IQCJ: variants seen among roughly 807,000 people sequenced by gnomAD.
The protein encoded by IQCJ is IQ motif containing J.
In IQCJ, 9 loss-of-function variants were observed where a neutral mutation model predicts 11.0. That is an observed-to-expected ratio of 0.82 (90% confidence interval 0.49 to 1.43). The LOEUF is 1.43. IQCJ is among the 40% of genes most tolerant of loss of function. The probability of loss-of-function intolerance (pLI) is 0.00; values close to 1 mark genes in which losing one functional copy is unlikely to be tolerated. For missense variants in IQCJ, 146 were observed against 133.2 expected (o/e 1.10, Z -0.47); for synonymous variants, 55 against 51.3 (o/e 1.07, Z -0.31).
intron 3 of IQCJ, among the ~76,000 whole-genome samples, chr3:159,255,100 G>A (rs1179918971): frequency 6.6e-6 from 1 of 152,192 alleles, no homozygotes; most frequent in Non-Finnish European, 1.5e-5. Flanking sequence ...TATAAAAAAT[G>A]TGCCCTTGTC....
chr3:159,090,993 C>G (rs1559981451), intron 1 of IQCJ, among the ~76,000 whole-genome samples: 1 of 151,770 alleles, frequency 6.6e-6, no homozygotes, highest in Non-Finnish European at 1.5e-5. Flanking sequence ...AACTAAATCC[C>G]TAAATTATAG....
intron 1 of IQCJ, among the ~76,000 whole-genome samples, chr3:159,152,264 T>C (rs1721271763): frequency 6.6e-6 from 1 of 152,188 alleles, no homozygotes; most frequent in Non-Finnish European, 1.5e-5. Context: ...CAGGTCACTG[T>C]GGCATCAGGG....
chr3:159,127,555 T>G (rs1383907239), intron 1 of IQCJ, among the ~76,000 whole-genome samples: 1 of 152,212 alleles, frequency 6.6e-6, no homozygotes. Flanking sequence ...GTGAACCTCC[T>G]CGTTGTATAT....
At chr3:159,144,599 C>T (rs1021304600) in intron 1 of IQCJ, among the ~76,000 whole-genome samples, 1 of 152,036 alleles carries the variant, frequency 6.6e-6, no homozygotes, top group Non-Finnish European at 1.5e-5. Context: ...CTTCTGACTT[C>T]TGGTCTGTTT....
At chr3:159,092,699 A>AACACACACACACATACACAC (rs1553775247) in intron 1 of IQCJ, among the ~76,000 whole-genome samples, 1 of 141,600 alleles carries the variant, frequency 7.1e-6, no homozygotes, top group African/African-American at 2.8e-5. Context: ...CTCCATCACA[A>AACACACACACACATACACAC]ACACACACAC....
intron 1 of IQCJ, among the ~76,000 whole-genome samples, chr3:159,232,451 C>CTTTT (rs35423818): frequency 0.03 from 2,482 of 82,988 alleles, no homozygotes; most frequent in Middle Eastern, 0.061. Context: ...GAGAGACTTT[C>CTTTT]TTTTTTTTTT....
In IQCJ at chr3:159,069,326, C is replaced by T. The variant is rs560263693; in HGVS notation, c.-107C>T. The T allele has an allele frequency of 1.4e-6, 2 of 1,443,646 alleles. No individual in the cohort carries two copies. The highest frequency in any genetic ancestry group is 2.9e-5 in the African/African-American group (2 of 69,576). The allele number at this position is 1,443,646 out of a possible 1,614,324, so 89.4% of individuals were successfully genotyped here. Reference sequence around the variant, plus strand: ...TCAAAGGTTTCCAGCCTCACACTCGCCTCACATTCCCCCACAGTCACATTG... The same window carrying T: ...TCAAAGGTTTCCAGCCTCACACTCGTCTCACATTCCCCCACAGTCACATTG... On this transcript the variant is annotated 5_prime_UTR_variant, in exon 1 of 4. Coordinates refer to ENST00000397832, the MANE Select transcript of IQCJ (RefSeq NM_001042706.3).
intron 2 of IQCJ, among the ~76,000 whole-genome samples, chr3:159,247,694 A>G (rs1727354267): frequency 6.6e-6 from 1 of 152,182 alleles, no homozygotes; most frequent in Non-Finnish European, 1.5e-5. Flanking sequence ...ACCAGATTTT[A>G]CACAGAAAAG....
rs59249595 is a variant in IQCJ at position 159,090,323 on chromosome 3, C to G, written c.9+20882C>G. On this transcript the variant is annotated intron_variant, in intron 1 of 3. Transcript: ENST00000397832. ...GCTGCGTGCTGGGAGAACCACTGCT[C>G]TCTTCAAAGCTCAGATGGAAATGCA... 9.7e-3 allele frequency among the ~76,000 whole-genome samples: 1,471 copies of G among 151,926 alleles called. 58 individuals are homozygous for G. The highest frequency in any genetic ancestry group is 0.034 in the African/African-American group (1,404 of 41,196).
chr3:159,103,338 G>T (rs982322163), intron 1 of IQCJ, among the ~76,000 whole-genome samples: 5 of 152,098 alleles, frequency 3.3e-5, no homozygotes, highest in Admixed American at 1.3e-4. Flanking sequence ...AAATTGACTT[G>T]ACTTATGCTT....
chr3:159,239,762 A>C (rs1389715700), intron 1 of IQCJ, among the ~76,000 whole-genome samples: 1 of 152,142 alleles, frequency 6.6e-6, no homozygotes, highest in Non-Finnish European at 1.5e-5. Context: ...GCAATACAAT[A>C]TTTTTACTGT....
At chr3:159,137,777 T>C (rs1408775760) in intron 1 of IQCJ, among the ~76,000 whole-genome samples, 1 of 152,202 alleles carries the variant, frequency 6.6e-6, no homozygotes, top group Non-Finnish European at 1.5e-5. Context: ...TTTTCATCTC[T>C]AATGCTCTCA....
intron 1 of IQCJ, among the ~76,000 whole-genome samples, chr3:159,228,708 C>T (rs933747619): frequency 1.3e-5 from 2 of 151,746 alleles, no homozygotes; most frequent in African/African-American, 4.8e-5. Context: ...GGACAGTGGC[C>T]AGGAGAGTGG....
chr3:159,163,015 T>A (rs1170263783), intron 1 of IQCJ, among the ~76,000 whole-genome samples: 1 of 152,200 alleles, frequency 6.6e-6, no homozygotes, highest in Non-Finnish European at 1.5e-5. Flanking sequence ...CTGGTACCAT[T>A]CCTTCTGAAA....
chr3:159,176,901 C>G (rs1474232768), intron 1 of IQCJ, among the ~76,000 whole-genome samples: 1 of 152,044 alleles, frequency 6.6e-6, no homozygotes, highest in Non-Finnish European at 1.5e-5. Context: ...CAATACTGTA[C>G]AAAGTGGTGA....
At chr3:159,089,988 G>T (rs1262455973) in intron 1 of IQCJ, among the ~76,000 whole-genome samples, 2 of 151,868 alleles carry the variant, frequency 1.3e-5, no homozygotes, top group Non-Finnish European at 2.9e-5. Context: ...TGGAGGAGGA[G>T]AGGTGCTCTG....
chr3:159,235,141 T>G (rs1223851343), intron 1 of IQCJ, among the ~76,000 whole-genome samples: 1 of 152,210 alleles, frequency 6.6e-6, no homozygotes, highest in Non-Finnish European at 1.5e-5. Flanking sequence ...TGAAGCATGG[T>G]CTCTAGGATA....
intron 1 of IQCJ, among the ~76,000 whole-genome samples, chr3:159,147,448 G>T (rs1419262537): frequency 6.6e-6 from 1 of 152,134 alleles, no homozygotes; most frequent in African/African-American, 2.4e-5. Context: ...GAAGATATGA[G>T]ACCTCTGAAG....
At chr3:159,101,234 C>T (rs1039071100) in intron 1 of IQCJ, among the ~76,000 whole-genome samples, 12 of 148,592 alleles carry the variant, frequency 8.1e-5, no homozygotes, top group South Asian at 2.2e-4. Flanking sequence ...GGCTCGCGCA[C>T]GGTGCGCACA....
Sources: gnomAD v4.1 joint callset for allele counts (sites outside exome capture counted in the v4.1 genomes callset) on GRCh38, gnomAD v4.1.1 for gene constraint, MANE v1.5 for transcripts, NCBI Gene and HGNC (gene_info 2026-07-23, HGNC 2026-07-21) for gene names.